The following L3MBTL3 variants were observed in gnomAD, a reference collection of about 807,000 sequenced individuals.
L3MBTL3 encodes the protein L3MBTL histone methyl-lysine binding protein 3, also known as lethal(3)malignant brain tumor-like protein 3.
Under a neutral mutation model 102.3 loss-of-function variants are expected in L3MBTL3, and 27 were observed. The ratio of observed to expected loss-of-function variants is 0.26; its 90% CI spans 0.19 to 0.36. The LOEUF is 0.36. Ranked by LOEUF, L3MBTL3 falls within the 10% of genes least tolerant of loss-of-function variation. L3MBTL3 has a pLI of 1.00. For missense variants in L3MBTL3, 798 were observed against 955.3 expected (o/e 0.84, Z 2.17); for synonymous variants, 340 against 320.9 (o/e 1.06, Z -0.64).
intron 12 of L3MBTL3, 191 bp from the exon 13 acceptor site, chr6:130,070,783 CTT>C (rs774204472): frequency 0.019 from 2,058 of 109,996 alleles, 7 homozygotes; most frequent in African/African-American, 0.035. Context: ...ACAGTAGGAC[CTT>C]TTTTTTTTTT....
At chr6:130,139,194 G>A (rs1020198536) in intron 22 of L3MBTL3, among the ~76,000 whole-genome samples, 1 of 151,282 alleles carries the variant, frequency 6.6e-6, no homozygotes, top group African/African-American at 2.4e-5. Context: ...AATGTTGCAT[G>A]TAGCTGATAT....
intron 1 of L3MBTL3, among the ~76,000 whole-genome samples, chr6:130,021,838 G>C (rs1306179646): frequency 6.6e-6 from 1 of 152,142 alleles, no homozygotes; most frequent in Non-Finnish European, 1.5e-5. Flanking sequence ...GTGATTTAAA[G>C]TCCTTAAATA....
At chr6:130,085,359 A>G (rs1783618747) in intron 15 of L3MBTL3, among the ~76,000 whole-genome samples, 1 of 152,106 alleles carries the variant, frequency 6.6e-6, no homozygotes, top group Non-Finnish European at 1.5e-5. Context: ...TTTTAAAGAT[A>G]TCTTCTGCTT....
chr6:130,134,100 A>G lies in L3MBTL3; in HGVS notation c.2199+195A>G, dbSNP rs137973184. Among the ~76,000 whole-genome samples the G allele has an allele frequency of 3.9e-5, 6 of 152,318 alleles. No individual in the cohort carries two copies. In the East Asian group the frequency reaches 9.6e-4, roughly 24 times the overall value. On this transcript the variant is annotated intron_variant, in intron 22 of 22. Coordinates refer to ENST00000361794, the MANE Select transcript of L3MBTL3 (RefSeq NM_032438.4). ...TTTGTATAAGATGAGATGCATAAGA[A>G]TGTTTGTGAGTACCATTTTATGATA... is the stretch of plus-strand genomic sequence containing the variant.
intron 13 of L3MBTL3, among the ~76,000 whole-genome samples, chr6:130,074,926 C>CT (rs1562288956): frequency 6.6e-6 from 1 of 151,546 alleles, no homozygotes; most frequent in Admixed American, 6.6e-5. Flanking sequence ...GTAGTGTAAA[C>CT]TTTTTTTTTA....
intron 19 of L3MBTL3, among the ~76,000 whole-genome samples, chr6:130,110,390 G>A (rs1164530640): frequency 6.6e-6 from 1 of 151,982 alleles, no homozygotes; most frequent in Non-Finnish European, 1.5e-5. Context: ...TTTGTAGTTC[G>A]CCTTGAAGAG....
Position 130,040,755 on chromosome 6 carries a change from C to G in L3MBTL3, c.-15-1930C>G, listed in dbSNP as rs7759281. ...AGCTTGTTAAGTGAAAAAGGCATTC[C>G]GTTAAAAACCAGGAGCTTGCATCCA... On this transcript the variant is annotated intron_variant, in intron 2 of 22. Coordinates refer to ENST00000361794, the MANE Select transcript of L3MBTL3 (RefSeq NM_032438.4). Among the ~76,000 whole-genome samples, 3 of 152,148 alleles carry G rather than the reference C, an allele frequency of 2.0e-5. No homozygotes were observed. The South Asian group carries it at 6.2e-4, about 31-fold the overall frequency.
At chr6:130,108,973 T>A (rs896785942) in intron 19 of L3MBTL3, among the ~76,000 whole-genome samples, 2 of 152,158 alleles carry the variant, frequency 1.3e-5, no homozygotes, top group Non-Finnish European at 2.9e-5. Context: ...TTTCTGTTCC[T>A]TTGTTAGTAT....
At position 130,039,410 on chromosome 6, in the gene L3MBTL3, C is replaced by T. The variant is rs1171328841; in HGVS notation, c.-15-3275C>T. On this transcript the variant is annotated intron_variant, in intron 2 of 22. Coordinates refer to ENST00000361794, the MANE Select transcript of L3MBTL3 (RefSeq NM_032438.4). ...ATAATCTTTTGTTTAAATCAGGGTC[C>T]ACAGATTATCTATGAATTACAATAT... is the stretch of plus-strand genomic sequence containing the variant. 2.1e-4 allele frequency among the ~76,000 whole-genome samples: 32 copies of T among 151,920 alleles called. 1 individual carries two copies. The highest frequency in any genetic ancestry group is 1.3e-4 in the Non-Finnish European group (9 of 67,928).
chr6:130,042,241 G>A (rs1003591289), intron 2 of L3MBTL3, among the ~76,000 whole-genome samples: 2 of 152,102 alleles, frequency 1.3e-5, no homozygotes, highest in East Asian at 1.9e-4. Context: ...GGTATTTGCT[G>A]TACATTTTGA....
intron 2 of L3MBTL3, among the ~76,000 whole-genome samples, chr6:130,027,073 A>G (rs1483850605): frequency 2.0e-5 from 3 of 152,174 alleles, no homozygotes; most frequent in Non-Finnish European, 2.9e-5. Context: ...AGTATGTCCC[A>G]TGTTTGCAAA....
chr6:130,041,446 C>CT (rs1780415105), intron 2 of L3MBTL3, among the ~76,000 whole-genome samples: 2 of 152,188 alleles, frequency 1.3e-5, no homozygotes, highest in South Asian at 4.1e-4. Context: ...TATGGTTACT[C>CT]TAACATACAG....
At chr6:130,092,719 A>G in intron 16 of L3MBTL3, 26 bp from the exon 17 acceptor site, 1 of 1,420,114 alleles carries the variant, frequency 7.0e-7, no homozygotes, top group Non-Finnish European at 9.9e-7. Flanking sequence ...CTTAATTTGT[A>G]CTGTTAATGT....
chr6:130,026,906 A>G (rs1398801880), intron 2 of L3MBTL3, among the ~76,000 whole-genome samples: 1 of 152,182 alleles, frequency 6.6e-6, no homozygotes, highest in Non-Finnish European at 1.5e-5. Context: ...GTAAAAGGAA[A>G]GAAGAAAATT....
chr6:130,087,689 T>A (rs79942192), intron 16 of L3MBTL3, among the ~76,000 whole-genome samples: 2,612 of 152,262 alleles, frequency 0.017, 66 homozygotes, highest in African/African-American at 0.059. Flanking sequence ...CAGTGCTGTT[T>A]ATAGTACTTA....
Position 130,133,758 on chromosome 6 carries a change from G to T in L3MBTL3, c.2137-85G>T, listed in dbSNP as rs1787313357. Reference sequence around the variant, plus strand: ...AATTATTGTGAGAGAAATAACTAATGCATATGGGTTAAATGTTTTGAACCT... The same window carrying T: ...AATTATTGTGAGAGAAATAACTAATTCATATGGGTTAAATGTTTTGAACCT... On this transcript the variant is annotated intron_variant, in intron 21 of 22. Coordinates refer to ENST00000361794, the MANE Select transcript of L3MBTL3 (RefSeq NM_032438.4). The surrounding 1 kb of genome is among the most constrained non-coding windows in gnomAD (Gnocchi z 4.9). The T allele has an allele frequency of 1.4e-6, 2 of 1,447,862 alleles. No homozygotes were observed. The highest frequency in any genetic ancestry group is 3.5e-5 in the Admixed American group (2 of 57,672). 89.7% of individuals were successfully genotyped at this position (1,447,862 alleles called of 1,614,324 possible).
intron 20 of L3MBTL3, among the ~76,000 whole-genome samples, chr6:130,130,393 C>T (rs946291519): frequency 2.0e-5 from 3 of 152,152 alleles, no homozygotes; most frequent in Non-Finnish European, 4.4e-5. Context: ...GGCATGCACT[C>T]AGGATACAAA....
rs1261938992 is a variant in L3MBTL3, at chr6:130,050,083, G to A, written c.289+253G>A. 4.6e-5 allele frequency among the ~76,000 whole-genome samples: 7 copies of A among 152,164 alleles called. No homozygotes were observed. The East Asian group carries it at 1.4e-3, about 29-fold the overall frequency. ...CTTTTCTATCTATCATCTTTGCCATGGCCTTAATGTAGGCTCTTCTCAACT... is the reference window on the plus strand; with the variant it reads ...CTTTTCTATCTATCATCTTTGCCATAGCCTTAATGTAGGCTCTTCTCAACT... On this transcript the variant is annotated intron_variant, in intron 5 of 22. Coordinates refer to ENST00000361794, the MANE Select transcript of L3MBTL3 (RefSeq NM_032438.4).
At chr6:130,073,103 T>G (rs1017684577) in intron 13 of L3MBTL3, among the ~76,000 whole-genome samples, 1 of 152,112 alleles carries the variant, frequency 6.6e-6, no homozygotes, top group Admixed American at 6.6e-5. Context: ...AAATTGGTGG[T>G]TTTTGTTTTA....
Sources: gnomAD v4.1 joint callset for allele counts (sites outside exome capture counted in the v4.1 genomes callset) on GRCh38, gnomAD v4.1.1 for gene constraint, Gnocchi (gnomAD v3.1) non-coding constraint, MANE v1.5 for transcripts, NCBI Gene and HGNC (gene_info 2026-07-23, HGNC 2026-07-21) for gene names.